PHACTR1: variants seen among roughly 807,000 people sequenced by gnomAD.
PHACTR1 encodes the protein RPEL repeat containing 1.
In PHACTR1, 16 loss-of-function variants were observed where a neutral mutation model predicts 69.2. The observed-to-expected ratio is 0.23, with a 90% CI of 0.16 to 0.35. The LOEUF (loss-of-function observed/expected upper bound fraction) is 0.35, where lower values mean the gene tolerates loss of function less well. Among genes scored for constraint, PHACTR1 ranks in the 10% least tolerant of loss-of-function variants. The pLI is 1.00. For missense variants in PHACTR1, 510 were observed against 734.7 expected (o/e 0.69, Z 3.54); for synonymous variants, 312 against 284.5 (o/e 1.10, Z -0.97).
chr6:12,942,053 G>A (rs1790112080), intron 4 of PHACTR1, among the ~76,000 whole-genome samples: 1 of 151,998 alleles, frequency 6.6e-6, no homozygotes, highest in African/African-American at 2.4e-5. Flanking sequence ...ATCCAGAGTG[G>A]GATTAAAGGA....
chr6:13,142,547 G>T (rs138004658), intron 5 of PHACTR1, among the ~76,000 whole-genome samples: 187 of 152,234 alleles, frequency 1.2e-3, no homozygotes, highest in Middle Eastern at 0.01. Flanking sequence ...TACTGTTTAG[G>T]TCTGTGATTC....
At chr6:12,898,347 C>T (rs1011488188) in intron 4 of PHACTR1, among the ~76,000 whole-genome samples, 33 of 142,092 alleles carry the variant, frequency 2.3e-4, no homozygotes, top group Admixed American at 1.8e-3. Context: ...CCACTTCATT[C>T]GAGCTTGCCC....
chr6:13,197,319 G>A (rs946008281), intron 7 of PHACTR1, among the ~76,000 whole-genome samples: 2 of 152,176 alleles, frequency 1.3e-5, no homozygotes, highest in Non-Finnish European at 1.5e-5. Flanking sequence ...CCACACCAGG[G>A]CAGGCCTCAG....
At chr6:12,860,769 A>T (rs1274895656) in intron 4 of PHACTR1, among the ~76,000 whole-genome samples, 1 of 152,108 alleles carries the variant, frequency 6.6e-6, no homozygotes, top group Non-Finnish European at 1.5e-5. Flanking sequence ...TCTTTTTCAT[A>T]TGTTCGTTGG....
At chr6:13,134,287 G>A (rs1365333298) in intron 5 of PHACTR1, among the ~76,000 whole-genome samples, 3 of 152,264 alleles carry the variant, frequency 2.0e-5, no homozygotes, top group South Asian at 2.1e-4. Flanking sequence ...CCCCGTCTGG[G>A]AAGTGTACCC....
intron 6 of PHACTR1, among the ~76,000 whole-genome samples, chr6:13,181,737 A>G (rs932193763): frequency 6.6e-6 from 1 of 152,082 alleles, no homozygotes; most frequent in Non-Finnish European, 1.5e-5. Context: ...CTAATAGTTT[A>G]TCCAAGTAGA....
intron 8 of PHACTR1, among the ~76,000 whole-genome samples, chr6:13,209,819 C>T (rs144174369): frequency 3.2e-4 from 48 of 152,306 alleles, no homozygotes; most frequent in African/African-American, 1.0e-3. Context: ...GTTTTACTTA[C>T]TGAAATTTGT....
chr6:12,863,366 C>G (rs1781130684), intron 4 of PHACTR1, among the ~76,000 whole-genome samples: 1 of 152,208 alleles, frequency 6.6e-6, no homozygotes, highest in African/African-American at 2.4e-5. Context: ...CTCTCTTTCT[C>G]TTTCTATAAG....
intron 4 of PHACTR1, among the ~76,000 whole-genome samples, chr6:12,910,512 A>G (rs575197135): frequency 8.8e-4 from 134 of 152,314 alleles, no homozygotes; most frequent in African/African-American, 3.1e-3. Context: ...ATGTATTGCT[A>G]AGAAAAACAA....
intron 5 of PHACTR1, among the ~76,000 whole-genome samples, chr6:13,103,640 T>G (rs1815557092): frequency 6.6e-6 from 1 of 152,216 alleles, no homozygotes. Flanking sequence ...ATTTTAAACT[T>G]ACAGGAAAGT....
chr6:12,933,813 C>T lies in PHACTR1; in HGVS notation c.251-119552C>T, dbSNP rs139710456. On this transcript the variant is annotated intron_variant, in intron 4 of 14. Transcript: ENST00000332995. ...CCCAGTACAGGTGGACAATTCTCTA[C>T]TCAGGGTATGAGCCCTGTTCAAGGA... 4.0e-3 allele frequency: 6,518 copies of T among 1,612,812 alleles called. 23 individuals carry two copies. Among genetic ancestry groups the T allele is most frequent in the Admixed American group, 5.0e-3 (301 of 60,010 alleles).
intron 4 of PHACTR1, among the ~76,000 whole-genome samples, chr6:12,978,307 A>G (rs1182932099): frequency 6.6e-6 from 1 of 152,122 alleles, no homozygotes; most frequent in African/African-American, 2.4e-5. Context: ...ATAATCACTA[A>G]TTCTTTAGAA....
intron 4 of PHACTR1, among the ~76,000 whole-genome samples, chr6:12,934,741 C>T (rs969093684): frequency 2.0e-5 from 3 of 151,874 alleles, no homozygotes; most frequent in African/African-American, 7.3e-5. Context: ...GAGACTGGGG[C>T]AGGAGAATCG....
chr6:13,100,160 A>G (rs1814918450), intron 5 of PHACTR1, among the ~76,000 whole-genome samples: 1 of 152,224 alleles, frequency 6.6e-6, no homozygotes, highest in South Asian at 2.1e-4. Context: ...TTCACAAGCA[A>G]AAGAACATAC....
At chr6:12,779,479 AG>A (rs1166400459) in intron 4 of PHACTR1, among the ~76,000 whole-genome samples, 1 of 152,150 alleles carries the variant, frequency 6.6e-6, no homozygotes, top group East Asian at 1.9e-4. Context: ...TTAAAGCAAA[AG>A]CTTTGGGAAA....
chr6:13,160,108 G>A (rs751351949), intron 5 of PHACTR1, 96 bp from the exon 6 acceptor site: 52 of 1,038,492 alleles, frequency 5.0e-5, no homozygotes, highest in African/African-American at 6.3e-5. Flanking sequence ...AAGCTTTCTC[G>A]TATGTTACAT....
chr6:13,000,239 C>T (rs965437390), intron 4 of PHACTR1, among the ~76,000 whole-genome samples: 2 of 152,150 alleles, frequency 1.3e-5, no homozygotes, highest in Admixed American at 6.5e-5. Flanking sequence ...AAGCTTGAAG[C>T]GGTGGCAGGT....
At chr6:13,102,684 C>A (rs1036552689) in intron 5 of PHACTR1, among the ~76,000 whole-genome samples, 2 of 152,034 alleles carry the variant, frequency 1.3e-5, no homozygotes, top group African/African-American at 2.4e-5. Context: ...ACAAAATCAC[C>A]CCAGAAGAAA....
chr6:13,237,342 A>T (rs887108549), intron 10 of PHACTR1, among the ~76,000 whole-genome samples: 3 of 152,142 alleles, frequency 2.0e-5, no homozygotes, highest in South Asian at 4.1e-4. Context: ...GTGCCACTGC[A>T]CTCCAGCCTG....
Sources: allele counts gnomAD v4.1 joint callset (sites outside exome capture counted in the v4.1 genomes callset), GRCh38; gene constraint gnomAD v4.1.1; transcripts MANE v1.5; gene names NCBI Gene and HGNC (gene_info 2026-07-23, HGNC 2026-07-21).